The following ILRUN variants were observed in gnomAD, a reference collection of about 807,000 sequenced individuals.
ILRUN encodes protein ILRUN.
A neutral mutation model predicts 33.8 loss-of-function variants in ILRUN; 3 were observed. The ratio of observed to expected loss-of-function variants is 0.09; its 90% CI spans 0.04 to 0.23. The LOEUF (loss-of-function observed/expected upper bound fraction) is 0.23, where lower values mean the gene tolerates loss of function less well. Among genes scored for constraint, ILRUN ranks in the 10% least tolerant of loss-of-function variants. The pLI, the probability that ILRUN is intolerant of heterozygous loss-of-function variation, is 1.00. For missense variants in ILRUN, 210 were observed against 375.1 expected (o/e 0.56, Z 3.64); for synonymous variants, 124 against 138.9 (o/e 0.89, Z 0.75).
At chr6:34,668,733 G>C (rs905031756) in intron 1 of ILRUN, among the ~76,000 whole-genome samples, 1 of 151,954 alleles carries the variant, frequency 6.6e-6, no homozygotes, top group African/African-American at 2.4e-5. Context: ...GAGTGCAGTA[G>C]CAGGATTATA....
chr6:34,602,037 T>C (rs9469813), intron 4 of ILRUN, among the ~76,000 whole-genome samples: 25,642 of 152,136 alleles, frequency 0.17, 2,758 homozygotes, highest in African/African-American at 0.3. Context: ...GAACCAGCAT[T>C]TGATGGAAGT....
At chr6:34,644,364 C>G (rs1762528237) in intron 3 of ILRUN, among the ~76,000 whole-genome samples, 1 of 152,008 alleles carries the variant, frequency 6.6e-6, no homozygotes, top group Non-Finnish European at 1.5e-5. Context: ...AAAGATAAAC[C>G]AGACATGTGT....
In ILRUN at chr6:34,696,650, C is replaced by T. The variant is rs1763785666; in HGVS notation, c.-47G>A. 2 of 1,567,160 alleles carry T rather than the reference C, an allele frequency of 1.3e-6. No individual in the cohort carries two copies. Among genetic ancestry groups the T allele is most frequent in the Non-Finnish European group, 1.7e-6 (2 of 1,160,992 alleles). On this transcript the variant is annotated 5_prime_UTR_variant, in exon 1 of 5. Coordinates refer to ENST00000374023, the MANE Select transcript of ILRUN (RefSeq NM_024294.4). ...TCCCCGCCTCTTCACAACCAAGCCG[C>T]CGCCGCGCCGCCGGGCCCGGGGACC...
intron 4 of ILRUN, among the ~76,000 whole-genome samples, chr6:34,593,773 T>C (rs1761341655): frequency 1.3e-5 from 2 of 152,096 alleles, no homozygotes; most frequent in South Asian, 2.1e-4. Context: ...CCAACTCTAT[T>C]TGGAAGCTAT....
Position 34,662,598 on chromosome 6 carries a change from G to A in ILRUN, c.159-7819C>T, listed in dbSNP as rs887893043. The stretch of plus-strand genomic sequence containing the variant: ...AAATTCTGAAAACACATAACATTAC[G>A]GATGAACCTTGAGGATTTTATGCTA... On this transcript the variant is annotated intron_variant, in intron 1 of 4. Transcript: ENST00000374023. Among the ~76,000 whole-genome samples the A allele has an allele frequency of 7.2e-5, 11 of 152,152 alleles. No individual in the cohort carries two copies. The South Asian group carries it at 8.3e-4, about 11-fold the overall frequency.
chr6:34,590,588 G>T lies in ILRUN; in HGVS notation c.874C>A (p.Pro292Thr). The change falls in exon 5 of 5, where the codon CCT becomes ACT. Residue 292 changes from proline (P) to threonine (T), a missense_variant. By Grantham distance (38) the Pro-to-Thr change is conservative (BLOSUM62 -1). This residue lies in a region of ILRUN where 81 missense variants were observed against 97.0 expected (regional missense o/e 0.84). Transcript: ENST00000374023. ...GTTTAAGACTGGCCGAAGGGGTAAG[G>T]CCCATGGAGCCCCTGGAAGAGAGTG... ...VVTYSKGLHG[P>T]YPFGQS The T allele has an allele frequency of 1.9e-6, 3 of 1,611,386 alleles. No individual in the cohort carries two copies. The highest frequency in any genetic ancestry group is 2.5e-6 in the Non-Finnish European group (3 of 1,177,560).
intron 3 of ILRUN, among the ~76,000 whole-genome samples, chr6:34,633,254 AAC>A (rs76046500): frequency 0.25 from 37,326 of 152,030 alleles, 4,626 homozygotes; most frequent in East Asian, 0.33. Context: ...TGTACCTAAC[AAC>A]AGAGCTTCAA....
chr6:34,641,568 T>C (rs367716817), intron 3 of ILRUN, among the ~76,000 whole-genome samples: 6 of 152,294 alleles, frequency 3.9e-5, no homozygotes, highest in African/African-American at 1.4e-4. Flanking sequence ...AAACATTTCA[T>C]GTTTATCCTT....
At chr6:34,626,605 C>T (rs1762137552) in intron 3 of ILRUN, among the ~76,000 whole-genome samples, 5 of 152,206 alleles carry the variant, frequency 3.3e-5, no homozygotes, top group Admixed American at 3.3e-4. Context: ...GATGAACCAA[C>T]ACTGACACAC....
chr6:34,603,001 T>C (rs373729230), intron 4 of ILRUN, among the ~76,000 whole-genome samples: 1 of 152,314 alleles, frequency 6.6e-6, no homozygotes, highest in African/African-American at 2.4e-5. Context: ...AAGCAATCTA[T>C]TACCTTCATC....
chr6:34,613,515 T>C (rs1761804066), intron 3 of ILRUN, among the ~76,000 whole-genome samples: 1 of 152,230 alleles, frequency 6.6e-6, no homozygotes, highest in Admixed American at 6.6e-5. Flanking sequence ...CTGGTAAATC[T>C]GTTTCTGATG....
chr6:34,632,816 C>A (rs1180400063), intron 3 of ILRUN, among the ~76,000 whole-genome samples: 1 of 152,078 alleles, frequency 6.6e-6, no homozygotes, highest in Admixed American at 6.5e-5. Flanking sequence ...AGCCACCACG[C>A]CCGGCCAGAG....
intron 3 of ILRUN, among the ~76,000 whole-genome samples, chr6:34,625,143 C>T (rs141799389): frequency 6.6e-6 from 1 of 152,324 alleles, no homozygotes; most frequent in African/African-American, 2.4e-5. Context: ...AGCAACAAAG[C>T]AGAACTTCCT....
rs1289507613 is a variant in ILRUN at position 34,614,435 on chromosome 6, A to ATATATATAT, written c.512-7532_512-7531insATATATATA. On this transcript the variant is annotated intron_variant, in intron 3 of 4. Transcript: ENST00000374023. ...AGACTCCATCTCAAAAAATAATAAA[A>ATATATATAT]AAAAAAAAATATATATATATAAAAT... 2.5e-3 allele frequency among the ~76,000 whole-genome samples: 311 copies of ATATATATAT among 123,370 alleles called. 10 individuals carry two copies. The highest frequency in any genetic ancestry group is 0.011 in the African/African-American group (292 of 26,090). 80.9% of individuals were successfully genotyped at this position (123,370 alleles called of 152,430 possible).
At chr6:34,603,641 C>A (rs1273524689) in intron 4 of ILRUN, among the ~76,000 whole-genome samples, 4 of 152,098 alleles carry the variant, frequency 2.6e-5, no homozygotes, top group African/African-American at 9.7e-5. Context: ...CTCAAAAAAA[C>A]AATACATACA....
intron 1 of ILRUN, among the ~76,000 whole-genome samples, chr6:34,678,102 G>C (rs568304674): frequency 2.0e-5 from 3 of 152,116 alleles, no homozygotes; most frequent in African/African-American, 7.2e-5. Flanking sequence ...AAGTGCAGTG[G>C]TGCAATCTCA....
intron 1 of ILRUN, among the ~76,000 whole-genome samples, chr6:34,683,395 T>C (rs1214797048): frequency 7.7e-6 from 1 of 129,292 alleles, no homozygotes; most frequent in Non-Finnish European, 1.6e-5. Flanking sequence ...GTTATATATA[T>C]GCACATATAT....
At chr6:34,627,004 C>CAA (rs1455690845) in intron 3 of ILRUN, among the ~76,000 whole-genome samples, 10 of 142,534 alleles carry the variant, frequency 7.0e-5, no homozygotes, top group African/African-American at 2.6e-4. Flanking sequence ...AACTCCATCT[C>CAA]AAAAAAAAAA....
chr6:34,660,794 T>C (rs1016841703), intron 1 of ILRUN, among the ~76,000 whole-genome samples: 2 of 152,216 alleles, frequency 1.3e-5, no homozygotes, highest in Non-Finnish European at 2.9e-5. Context: ...GTAACTACTA[T>C]GAATTTTAAA....
Sources: gnomAD v4.1 joint callset for allele counts (sites outside exome capture counted in the v4.1 genomes callset) on GRCh38, gnomAD v4.1.1 for gene constraint, gnomAD v4.1.1 regional missense constraint, MANE v1.5 for transcripts, NCBI Gene and HGNC (gene_info 2026-07-23, HGNC 2026-07-21) for gene names.